The following ADGRL3 variants were observed in gnomAD, a reference collection of about 807,000 sequenced individuals.
ADGRL3 encodes calcium-independent alpha-latrotoxin receptor 3.
Under a neutral mutation model 153.5 loss-of-function variants are expected in ADGRL3, and 62 were observed. The ratio of observed to expected loss-of-function variants is 0.40; its 90% CI spans 0.33 to 0.50. The LOEUF is 0.50. Ranked by LOEUF, ADGRL3 falls within the 20% of genes least tolerant of loss-of-function variation. ADGRL3 has a pLI of 0.47. For synonymous variants in ADGRL3, 710 were observed against 672.5 expected (o/e 1.06, Z -0.86); for missense variants, 1,641 against 1,859.4 (o/e 0.88, Z 2.16).
intron 9 of ADGRL3, among the ~76,000 whole-genome samples, chr4:61,865,473 C>T (rs898883400): frequency 2.0e-5 from 3 of 152,066 alleles, no homozygotes; most frequent in African/African-American, 7.2e-5. Context: ...ATTTCAAGAC[C>T]AATCATAAAA....
At chr4:61,689,484 A>C (rs2095501987) in intron 6 of ADGRL3, among the ~76,000 whole-genome samples, 1 of 152,192 alleles carries the variant, frequency 6.6e-6, no homozygotes, top group African/African-American at 2.4e-5. Context: ...ATAGTCAATG[A>C]TTATACAATT....
intron 13 of ADGRL3, among the ~76,000 whole-genome samples, chr4:61,919,551 A>G (rs746461023): frequency 2.6e-5 from 4 of 152,204 alleles, no homozygotes; most frequent in Non-Finnish European, 5.9e-5. Flanking sequence ...TGGTTATAAG[A>G]ATTCCTTTCT....
rs548575925 is a variant in ADGRL3 at position 61,610,524 on chromosome 4, T to G, written c.473+23084T>G. Among the ~76,000 whole-genome samples the G allele has an allele frequency of 1.1e-4, 17 of 152,304 alleles. 1 individual carries two copies. In the South Asian group the frequency reaches 3.1e-3, roughly 28 times the overall value. On this transcript the variant is annotated intron_variant, in intron 5 of 26. Transcript: ENST00000683033. ...ACAACTTAACCTTTCATAATGTAAA[T>G]GATGTGTCAGATTAAGAGTAACCGT...
intron 2 of ADGRL3, among the ~76,000 whole-genome samples, chr4:61,402,679 A>G (rs2096944080): frequency 6.6e-6 from 1 of 152,078 alleles, no homozygotes; most frequent in Non-Finnish European, 1.5e-5. Flanking sequence ...CTTTTCCTAA[A>G]CTTATCAGCT....
intron 15 of ADGRL3, among the ~76,000 whole-genome samples, chr4:61,946,562 G>C (rs553389932): frequency 6.6e-6 from 1 of 151,958 alleles, no homozygotes; most frequent in South Asian, 2.1e-4. Context: ...AAATGTTTTG[G>C]AGTCTTATTG....
intron 8 of ADGRL3, among the ~76,000 whole-genome samples, chr4:61,742,404 G>A (rs570047724): frequency 1.2e-3 from 183 of 151,922 alleles, no homozygotes; most frequent in African/African-American, 4.0e-3. Flanking sequence ...TCAGCCTCCC[G>A]AGTAGCTGGG....
chr4:61,503,214 T>G (rs1008508668), intron 3 of ADGRL3, among the ~76,000 whole-genome samples: 6 of 146,944 alleles, frequency 4.1e-5, no homozygotes, highest in African/African-American at 1.5e-4. Flanking sequence ...TGGAAAATAA[T>G]TTTTTTTTTT....
chr4:61,568,743 G>A (rs75097931), intron 4 of ADGRL3, among the ~76,000 whole-genome samples: 1,824 of 152,026 alleles, frequency 0.012, 32 homozygotes, highest in African/African-American at 0.04. Flanking sequence ...TATCCTTCAT[G>A]ATCCCTTTTC....
chr4:61,451,939 A>G (rs1043442179), intron 2 of ADGRL3, among the ~76,000 whole-genome samples: 3 of 152,200 alleles, frequency 2.0e-5, no homozygotes, highest in Admixed American at 6.5e-5. Context: ...TACATTTGTT[A>G]TGTATTGAAC....
chr4:61,231,757 C>A (rs1256066322), intron 1 of ADGRL3, among the ~76,000 whole-genome samples: 2 of 151,882 alleles, frequency 1.3e-5, no homozygotes, highest in Non-Finnish European at 2.9e-5. Context: ...TCATTTTATC[C>A]TTTGGGTCCA....
rs536509049 is a variant in ADGRL3, at chr4:61,288,168, C to T, written c.-240+86403C>T. Among the ~76,000 whole-genome samples, 4 of 151,956 alleles carry T rather than the reference C, an allele frequency of 2.6e-5. No homozygotes were observed. The South Asian group carries it at 8.3e-4, about 31-fold the overall frequency. On this transcript the variant is annotated intron_variant, in intron 1 of 26. Coordinates refer to ENST00000683033, the MANE Select transcript of ADGRL3 (RefSeq NM_001387552.1). ...TTTTATGCTTTCTCCTTGTCATGTTCCTCCCCTCACTAAATAACATCCCTT... is the reference window on the plus strand; with the variant it reads ...TTTTATGCTTTCTCCTTGTCATGTTTCTCCCCTCACTAAATAACATCCCTT...
chr4:61,562,670 C>T (rs925465057), intron 4 of ADGRL3, among the ~76,000 whole-genome samples: 4 of 152,108 alleles, frequency 2.6e-5, no homozygotes, highest in African/African-American at 9.7e-5. Flanking sequence ...CTTCAGGCTC[C>T]ACTTCTAATT....
chr4:61,273,854 A>G (rs909031152), intron 1 of ADGRL3, among the ~76,000 whole-genome samples: 1 of 152,166 alleles, frequency 6.6e-6, no homozygotes, highest in Admixed American at 6.6e-5. Flanking sequence ...TATTTTAAAG[A>G]TATTTCTTCC....
At chr4:61,238,808 A>G (rs1250603370) in intron 1 of ADGRL3, among the ~76,000 whole-genome samples, 3 of 152,144 alleles carry the variant, frequency 2.0e-5, no homozygotes, top group Non-Finnish European at 2.9e-5. Flanking sequence ...ATGAGGGATT[A>G]TTATAGTTAA....
At chr4:61,870,316 A>C (rs1440059974) in intron 9 of ADGRL3, among the ~76,000 whole-genome samples, 1 of 152,178 alleles carries the variant, frequency 6.6e-6, no homozygotes, top group Admixed American at 6.5e-5. Context: ...TTAACTCAAA[A>C]TGTATCATAA....
chr4:61,655,999 T>C lies in ADGRL3; in HGVS notation c.474-20827T>C, dbSNP rs142593980. ...CAATGTTGAAATTCAGGATTGGTGGTTGACTTAGTTTTCTCTGTTACGTTT... is the reference window on the plus strand; with the variant it reads ...CAATGTTGAAATTCAGGATTGGTGGCTGACTTAGTTTTCTCTGTTACGTTT... On this transcript the variant is annotated intron_variant, in intron 5 of 26. Transcript: ENST00000683033. Among the ~76,000 whole-genome samples, 363 of 152,290 alleles carry C rather than the reference T, an allele frequency of 2.4e-3. 8 individuals are homozygous for C. Among genetic ancestry groups the C allele is most frequent in the African/African-American group, 8.3e-3 (345 of 41,562 alleles).
intron 25 of ADGRL3, among the ~76,000 whole-genome samples, chr4:62,055,664 A>G (rs1347677756): frequency 1.3e-5 from 2 of 151,688 alleles, no homozygotes; most frequent in Non-Finnish European, 3.0e-5. Flanking sequence ...TGTAGATTCT[A>G]TTCGTTGTTT....
chr4:62,055,879 A>C (rs1022699941), intron 25 of ADGRL3, among the ~76,000 whole-genome samples: 1 of 151,578 alleles, frequency 6.6e-6, no homozygotes, highest in Admixed American at 6.6e-5. Context: ...GTAATTCTAG[A>C]AGCCTCTTCT....
intron 2 of ADGRL3, among the ~76,000 whole-genome samples, chr4:61,469,093 G>T (rs944219153): frequency 3.9e-5 from 6 of 151,994 alleles, no homozygotes; most frequent in Non-Finnish European, 5.9e-5. Flanking sequence ...CTATTGGGAA[G>T]CCCACTACCC....
Sources: allele counts gnomAD v4.1 joint callset (sites outside exome capture counted in the v4.1 genomes callset), GRCh38; gene constraint gnomAD v4.1.1; transcripts MANE v1.5; gene names NCBI Gene and HGNC (gene_info 2026-07-23, HGNC 2026-07-21).